Variants in DEPDC4 observed in about 807,000 individuals in gnomAD.
The protein encoded by DEPDC4 is DEP domain containing 4.
In DEPDC4, 52 loss-of-function variants were observed where a neutral mutation model predicts 52.0. The observed-to-expected ratio is 1.00, with a 90% CI of 0.80 to 1.26. DEPDC4 has a LOEUF of 1.26. Among genes scored for constraint, DEPDC4 ranks in the 50% most tolerant of loss-of-function variants. The pLI, the probability that DEPDC4 is intolerant of heterozygous loss-of-function variation, is 0.00. For missense variants in DEPDC4, 530 were observed against 546.9 expected (o/e 0.97, Z 0.31); for synonymous variants, 201 against 196.8 (o/e 1.02, Z -0.18).
At chr12:100,272,082 T>C in the DEPDC4 span, among the ~76,000 whole-genome samples, 1 of 152,282 alleles carries the variant, frequency 6.6e-6, no homozygotes, top group East Asian at 1.9e-4. Flanking sequence ...ATGGCTGAGC[T>C]AGATGGTAGA....
intron 8 of DEPDC4, among the ~76,000 whole-genome samples, chr12:100,242,908 T>C (rs2096165954): frequency 6.6e-6 from 1 of 152,198 alleles, no homozygotes; most frequent in South Asian, 2.1e-4. Flanking sequence ...TCTAATCTAC[T>C]GTGTCCACTC....
downstream of DEPDC4, among the ~76,000 whole-genome samples, chr12:100,237,542 G>T (rs913126908): frequency 3.3e-5 from 5 of 152,054 alleles, no homozygotes; most frequent in Non-Finnish European, 5.9e-5. Context: ...TGTAAAGAAT[G>T]ATGGTAGTAT....
chr12:100,280,926 A>T, the DEPDC4 span, among the ~76,000 whole-genome samples: 2 of 151,916 alleles, frequency 1.3e-5, no homozygotes, highest in African/African-American at 4.8e-5. Context: ...TTCATTAATG[A>T]CACTAGTCAT....
chr12:100,267,152 C>A, upstream of DEPDC4: 1 of 1,504,530 alleles, frequency 6.6e-7, no homozygotes, highest in Non-Finnish European at 9.0e-7. Context: ...GAAGTGACGT[C>A]ATGCCCCCGG....
At chr12:100,253,802 G>T in intron 4 of DEPDC4, 87 bp from the exon 5 acceptor site, 1 of 737,210 alleles carries the variant, frequency 1.4e-6, no homozygotes, top group Non-Finnish European at 1.9e-6. Flanking sequence ...GAAAAAATCT[G>T]GCTTATTTAA....
chr12:100,269,209 T>C (rs568190136), upstream of DEPDC4, among the ~76,000 whole-genome samples: 1 of 152,254 alleles, frequency 6.6e-6, no homozygotes, highest in Admixed American at 6.5e-5. Context: ...CAAACTCATC[T>C]CCACTGTGCT....
Position 100,252,073 on chromosome 12 carries a change from A to G in DEPDC4, c.1374+103T>C, listed in dbSNP as rs183987104. On this transcript the variant is annotated intron_variant, in intron 7 of 9. Coordinates refer to ENST00000550587, the MANE Select transcript of DEPDC4 (RefSeq NM_001364818.2). ...GTCAGCATTTCTTCAAACTTTGCACATTATAGGTACTTAGTAAATTATTTA... is the reference window on the plus strand; with the variant it reads ...GTCAGCATTTCTTCAAACTTTGCACGTTATAGGTACTTAGTAAATTATTTA... The G allele has an allele frequency of 3.4e-5, 34 of 1,007,614 alleles. No individual in the cohort carries two copies. In the East Asian group the frequency reaches 2.9e-3, roughly 85 times the overall value. 62.4% of individuals were successfully genotyped at this position (1,007,614 alleles called of 1,614,324 possible).
chr12:100,244,247 C>T (rs896398898), intron 8 of DEPDC4, among the ~76,000 whole-genome samples: 1 of 151,186 alleles, frequency 6.6e-6, no homozygotes, highest in South Asian at 2.1e-4. Flanking sequence ...GTGGCGCGAT[C>T]TCGGCTCACT....
In DEPDC4 at chr12:100,233,203, G is replaced by A. The variant is rs191782055; in HGVS notation, c.*699+4765C>T. Among the ~76,000 whole-genome samples the A allele has an allele frequency of 6.4e-3, 972 of 152,118 alleles. 5 individuals are homozygous for A. Among genetic ancestry groups the A allele is most frequent in the Non-Finnish European group, 0.011 (749 of 67,986 alleles). Reference sequence around the variant, plus strand: ...AGTATCTCACCCTAAACATATCAAAGTTAAATTTACTCTCAACTCCTCATC... The same window carrying A: ...AGTATCTCACCCTAAACATATCAAAATTAAATTTACTCTCAACTCCTCATC... On this transcript the variant is annotated intron_variant and NMD_transcript_variant, in intron 9 of 10. Coordinates refer to the DEPDC4 transcript ENST00000378244.
chr12:100,241,810 A>C lies in DEPDC4; in HGVS notation c.*82T>G. ...ATTGTCCTTCCCTTCTGCTTTTCAAACTCCTTGTATGTCAAGGGTTGGCAA... is the reference window on the plus strand; with the variant it reads ...ATTGTCCTTCCCTTCTGCTTTTCAACCTCCTTGTATGTCAAGGGTTGGCAA... On this transcript the variant is annotated 3_prime_UTR_variant, in exon 10 of 10. Coordinates refer to ENST00000550587, the MANE Select transcript of DEPDC4 (RefSeq NM_001364818.2). 8.0e-7 allele frequency: 1 copy of C among 1,246,548 alleles called. No individual in the cohort carries two copies. Among genetic ancestry groups the C allele is most frequent in the Non-Finnish European group, 1.0e-6 (1 of 969,716 alleles). 77.2% of individuals were successfully genotyped at this position (1,246,548 alleles called of 1,614,324 possible).
the DEPDC4 span, among the ~76,000 whole-genome samples, chr12:100,276,715 A>G: frequency 6.6e-6 from 1 of 151,638 alleles, no homozygotes; most frequent in Admixed American, 6.6e-5. Flanking sequence ...ACTTCATTGG[A>G]TTTTTTTCCT....
At chr12:100,256,636 G>T (rs920557001) in intron 3 of DEPDC4, among the ~76,000 whole-genome samples, 31 of 148,672 alleles carry the variant, frequency 2.1e-4, no homozygotes, top group South Asian at 1.7e-3. Context: ...TGTTTGTTTT[G>T]TGTTTTTTGT....
chr12:100,254,625 C>T (rs1345621550), intron 4 of DEPDC4, among the ~76,000 whole-genome samples: 5 of 152,114 alleles, frequency 3.3e-5, no homozygotes, highest in Admixed American at 3.3e-4. Flanking sequence ...CTGTGCCTGG[C>T]CTGAATTCTT....
At chr12:100,273,733 T>G in the DEPDC4 span, among the ~76,000 whole-genome samples, 1 of 152,192 alleles carries the variant, frequency 6.6e-6, no homozygotes, top group Non-Finnish European at 1.5e-5. Flanking sequence ...GGAATACTCC[T>G]TCCCCCCTTA....
upstream of DEPDC4, among the ~76,000 whole-genome samples, chr12:100,270,421 C>G (rs946194977): frequency 6.6e-6 from 1 of 151,956 alleles, no homozygotes; most frequent in African/African-American, 2.4e-5. Context: ...AACTGTCACC[C>G]CTCTGCTACT....
intron 2 of DEPDC4, 78 bp downstream of exon 2, chr12:100,263,419 C>A: frequency 1.7e-6 from 2 of 1,193,628 alleles, no homozygotes; most frequent in Non-Finnish European, 2.3e-6. Flanking sequence ...AAAAAGTACA[C>A]ATTCGAGTTT....
chr12:100,257,522 T>A (rs572519889), intron 3 of DEPDC4, among the ~76,000 whole-genome samples: 373 of 152,262 alleles, frequency 2.4e-3, no homozygotes, highest in African/African-American at 8.6e-3. Context: ...ATTACAGGCA[T>A]GCGCCACCAC....
At chr12:100,260,152 CTCT>C (rs1398533527) in intron 3 of DEPDC4, among the ~76,000 whole-genome samples, 1 of 151,790 alleles carries the variant, frequency 6.6e-6, no homozygotes, top group East Asian at 1.9e-4. Context: ...CAGAGTTTCG[CTCT>C]TGTTGCCCAG....
intron 4 of DEPDC4, among the ~76,000 whole-genome samples, chr12:100,255,545 C>T (rs1044475111): frequency 6.6e-6 from 1 of 152,204 alleles, no homozygotes; most frequent in African/African-American, 2.4e-5. Context: ...CCAGCAGCTG[C>T]TTTATTCAGA....
Sources: allele counts gnomAD v4.1 joint callset (sites outside exome capture counted in the v4.1 genomes callset), GRCh38; gene constraint gnomAD v4.1.1; transcripts MANE v1.5; gene names NCBI Gene and HGNC (gene_info 2026-07-23, HGNC 2026-07-21).